The following CIMAP3 variants were observed in gnomAD, a reference collection of about 807,000 sequenced individuals.
The protein encoded by CIMAP3 is ciliary microtubule associated protein 3, also known as ciliary microtubule-associated protein 3.
chr1:111,338,087 T>G, the CIMAP3 span, among the ~76,000 whole-genome samples: 1 of 149,856 alleles, frequency 6.7e-6, no homozygotes, highest in Admixed American at 6.6e-5. Flanking sequence ...AACCTGCTCC[T>G]GAATGACTAC....
the CIMAP3 span, chr1:111,351,573 G>A: frequency 2.1e-5 from 7 of 335,504 alleles, no homozygotes; most frequent in Non-Finnish European, 3.8e-5. Context: ...GTGCTGAGTT[G>A]GGTGATTTCA....
the CIMAP3 span, chr1:111,346,749 G>A: frequency 1.9e-6 from 3 of 1,568,138 alleles, no homozygotes; most frequent in Non-Finnish European, 2.6e-6. Context: ...GACGAAGTGG[G>A]AGGAAGTGCA....
the CIMAP3 span, among the ~76,000 whole-genome samples, chr1:111,325,967 C>G: frequency 2.0e-5 from 3 of 152,048 alleles, no homozygotes; most frequent in Non-Finnish European, 2.9e-5. Context: ...AATACCTAGA[C>G]AAATTACAAG....
chr1:111,338,967 C>T, the CIMAP3 span, among the ~76,000 whole-genome samples: 1 of 152,180 alleles, frequency 6.6e-6, no homozygotes, highest in African/African-American at 2.4e-5. Flanking sequence ...AAAATACTGG[C>T]AAACCAAATC....
At chr1:111,335,231 G>T in the CIMAP3 span, among the ~76,000 whole-genome samples, 28 of 150,958 alleles carry the variant, frequency 1.9e-4, no homozygotes, top group African/African-American at 5.1e-4. Flanking sequence ...CAAGATGGCC[G>T]AATAGAAACA....
the CIMAP3 span, chr1:111,351,175 T>G: frequency 0.025 from 23,215 of 932,054 alleles, 748 homozygotes; most frequent in African/African-American, 0.12. Context: ...AGTTTTTTTT[T>G]TTTTTTTTTT....
the CIMAP3 span, among the ~76,000 whole-genome samples, chr1:111,343,221 GATT>G: frequency 5.9e-5 from 9 of 151,508 alleles, no homozygotes; most frequent in Non-Finnish European, 1.3e-4. Flanking sequence ...GTGTTGAATT[GATT>G]ATTATTTAAT....
At chr1:111,343,327 C>G in the CIMAP3 span, among the ~76,000 whole-genome samples, 1 of 152,088 alleles carries the variant, frequency 6.6e-6, no homozygotes, top group Non-Finnish European at 1.5e-5. Flanking sequence ...TGCAACAGAG[C>G]AAGTAATTCC....
chr1:111,326,761 T>C, the CIMAP3 span, among the ~76,000 whole-genome samples: 1 of 152,162 alleles, frequency 6.6e-6, no homozygotes, highest in Non-Finnish European at 1.5e-5. Context: ...CTGTTACTTT[T>C]AGTCTTTTTA....
At chr1:111,329,516 C>CTTATAT in the CIMAP3 span, among the ~76,000 whole-genome samples, 1 of 106,286 alleles carries the variant, frequency 9.4e-6, no homozygotes, top group Non-Finnish European at 1.9e-5. Context: ...CACATAAACC[C>CTTATAT]ATATATATAT....
the CIMAP3 span, chr1:111,346,828 C>G: frequency 1.3e-6 from 2 of 1,583,416 alleles, no homozygotes; most frequent in Non-Finnish European, 8.6e-7. Context: ...TCTGCTCAGT[C>G]TCCCCGACCT....
At chr1:111,336,498 C>G in the CIMAP3 span, among the ~76,000 whole-genome samples, 14 of 152,104 alleles carry the variant, frequency 9.2e-5, no homozygotes, top group East Asian at 1.5e-3. Context: ...CAGAGAAGTG[C>G]TTAAAGGAGC....
At chr1:111,337,294 G>T in the CIMAP3 span, among the ~76,000 whole-genome samples, 1 of 152,128 alleles carries the variant, frequency 6.6e-6, no homozygotes, top group Non-Finnish European at 1.5e-5. Flanking sequence ...ATCAACTAAC[G>T]TGCAAAATAG....
chr1:111,349,972 C>A, the CIMAP3 span: 1 of 647,242 alleles, frequency 1.5e-6, no homozygotes, highest in Non-Finnish European at 2.7e-6. Flanking sequence ...GAATCCCATG[C>A]TTAATTAAAA....
chr1:111,328,807 C>T, the CIMAP3 span, among the ~76,000 whole-genome samples: 1 of 152,022 alleles, frequency 6.6e-6, no homozygotes, highest in Non-Finnish European at 1.5e-5. Context: ...ATCCAGCTTG[C>T]CTCTCTGTGC....
At chr1:111,348,510 A>G in the CIMAP3 span, 2 of 1,592,806 alleles carry the variant, frequency 1.3e-6, no homozygotes, top group East Asian at 4.5e-5. Flanking sequence ...TTTTTCTTGG[A>G]AACAGGAAAT....
chr1:111,348,394 G>T, the CIMAP3 span: 4 of 1,061,952 alleles, frequency 3.8e-6, no homozygotes, highest in Non-Finnish European at 5.3e-6. Context: ...AGCTTGAGGT[G>T]GCTGAACCAT....
At chr1:111,336,060 C>A in the CIMAP3 span, among the ~76,000 whole-genome samples, 1 of 152,240 alleles carries the variant, frequency 6.6e-6, no homozygotes, top group Non-Finnish European at 1.5e-5. Context: ...CGCTGTTCTG[C>A]AAACACCACT....
At chr1:111,346,719 A>G in the CIMAP3 span, 1 of 1,593,564 alleles carries the variant, frequency 6.3e-7, no homozygotes, top group Non-Finnish European at 8.6e-7. Flanking sequence ...GGTAGGGGGA[A>G]GGGTGGGGAA....
Sources: allele counts gnomAD v4.1 joint callset (sites outside exome capture counted in the v4.1 genomes callset), GRCh38; gene constraint gnomAD v4.1.1; transcripts MANE v1.5; gene names NCBI Gene and HGNC (gene_info 2026-07-23, HGNC 2026-07-21).